The following CBR4 variants were observed in gnomAD, a reference collection of about 807,000 sequenced individuals.
CBR4 encodes the protein carbonyl reductase 4.
Under a neutral mutation model 21.0 loss-of-function variants are expected in CBR4, and 22 were observed. The ratio of observed to expected loss-of-function variants is 1.05; its 90% CI spans 0.75 to 1.50. CBR4 has a LOEUF of 1.50. Ranked by LOEUF, CBR4 falls within the 40% of genes most tolerant of loss-of-function variation. The pLI is 0.00. For synonymous variants in CBR4, 100 were observed against 104.4 expected (o/e 0.96, Z 0.26); for missense variants, 302 against 286.3 (o/e 1.05, Z -0.40).
At chr4:168,899,917 CAA>C (rs1172762037) in intron 2 of CBR4, among the ~76,000 whole-genome samples, 7 of 108,922 alleles carry the variant, frequency 6.4e-5, no homozygotes, top group Admixed American at 9.7e-5. Flanking sequence ...GACTCCGTCT[CAA>C]AAAAAAAAAA....
At chr4:168,948,478 CT>C (rs1269023015) in intron 2 of CBR4, among the ~76,000 whole-genome samples, 2 of 152,140 alleles carry the variant, frequency 1.3e-5, no homozygotes, top group African/African-American at 4.8e-5. Flanking sequence ...ATGTTATCTT[CT>C]AGAATTTTTA....
At chr4:168,913,965 T>G in intron 2 of CBR4, 1 of 1,613,516 alleles carries the variant, frequency 6.2e-7, no homozygotes, top group Admixed American at 1.7e-5. Context: ...TGGTACAGGC[T>G]GTCAACCAAA....
chr4:168,925,973 A>AAAAG (rs1176560443), intron 2 of CBR4, among the ~76,000 whole-genome samples: 1 of 152,188 alleles, frequency 6.6e-6, no homozygotes, highest in Non-Finnish European at 1.5e-5. Flanking sequence ...TTAAAAAAAA[A>AAAAG]AAAGATAAAC....
intron 2 of CBR4, among the ~76,000 whole-genome samples, chr4:168,917,771 C>T (rs1334422376): frequency 6.6e-6 from 1 of 151,982 alleles, no homozygotes; most frequent in African/African-American, 2.4e-5. Context: ...AGTATAAATA[C>T]ACAAATTGTG....
At chr4:169,009,908 C>T in intron 1 of CBR4, 40 bp downstream of exon 1, 1 of 1,579,670 alleles carries the variant, frequency 6.3e-7, no homozygotes, top group Non-Finnish European at 8.6e-7. Context: ...GGCGCCTGGA[C>T]CGCGGCCATA....
chr4:168,925,413 C>T, intron 2 of CBR4: 2 of 743,230 alleles, frequency 2.7e-6, no homozygotes, highest in Middle Eastern at 2.4e-4. Flanking sequence ...ATGTTTTTCA[C>T]ATGTTCTTGT....
In CBR4 at chr4:168,988,772, T is replaced by G. The variant is rs1560980566; in HGVS notation, c.*1378A>C. The G allele has an allele frequency of 3.1e-6, 3 of 961,104 alleles. No individual in the cohort carries two copies. Among genetic ancestry groups the G allele is most frequent in the South Asian group, 4.8e-5 (1 of 20,834 alleles). The allele number at this position is 961,104 out of a possible 1,614,324, so 59.5% of individuals were successfully genotyped here. ...TAAGAAAACTATTTCAAAGATAAAT[T>G]TAAAATAATTTTTAAGGAACCCAGA... On this transcript the variant is annotated 3_prime_UTR_variant, in exon 5 of 5. Coordinates refer to ENST00000306193, the MANE Select transcript of CBR4 (RefSeq NM_032783.5).
At chr4:168,967,150 T>C (rs1764065931) in intron 2 of CBR4, among the ~76,000 whole-genome samples, 2 of 152,062 alleles carry the variant, frequency 1.3e-5, no homozygotes, top group South Asian at 2.1e-4. Flanking sequence ...ATGTGGCACA[T>C]ATACACCATG....
At chr4:168,978,377 C>G (rs371150346) in intron 2 of CBR4, among the ~76,000 whole-genome samples, 1 of 152,120 alleles carries the variant, frequency 6.6e-6, no homozygotes. Context: ...AGAAGGGAGA[C>G]AGAGTGGCCA....
At chr4:169,002,019 C>T (rs764781813) in intron 4 of CBR4, 52 bp downstream of exon 4, 17 of 1,381,180 alleles carry the variant, frequency 1.2e-5, no homozygotes, top group South Asian at 1.5e-5. Flanking sequence ...ATAATGGCTT[C>T]CCTATAAAAC....
chr4:168,944,430 A>T (rs1763348092), intron 2 of CBR4, among the ~76,000 whole-genome samples: 1 of 152,100 alleles, frequency 6.6e-6, no homozygotes, highest in African/African-American at 2.4e-5. Flanking sequence ...ATGAGCCATG[A>T]TCACATCACT....
chr4:168,949,788 CGCT>C (rs1459792694), intron 2 of CBR4, among the ~76,000 whole-genome samples: 1 of 151,940 alleles, frequency 6.6e-6, no homozygotes, highest in Non-Finnish European at 1.5e-5. Context: ...ATTTTAATCT[CGCT>C]GCTTGTTATT....
At chr4:168,929,295 A>G (rs1201906969) in intron 2 of CBR4, among the ~76,000 whole-genome samples, 1 of 152,216 alleles carries the variant, frequency 6.6e-6, no homozygotes, top group Non-Finnish European at 1.5e-5. Flanking sequence ...TACTACGGGA[A>G]AGAGAAAGCT....
At chr4:168,954,729 A>G (rs1160258346) in intron 2 of CBR4, among the ~76,000 whole-genome samples, 2 of 152,234 alleles carry the variant, frequency 1.3e-5, no homozygotes, top group African/African-American at 4.8e-5. Flanking sequence ...ATAAACCATG[A>G]AAAGGAAGAC....
intron 2 of CBR4, among the ~76,000 whole-genome samples, chr4:168,979,103 CCTCCTCCTGTTA>C: frequency 6.6e-6 from 1 of 151,928 alleles, no homozygotes; most frequent in East Asian, 1.9e-4. Flanking sequence ...CACGCAGGTC[CCTCCTCCTGTTA>C]CTCCTCCTTG....
At chr4:168,956,159 T>C (rs942413776) in intron 2 of CBR4, among the ~76,000 whole-genome samples, 1 of 152,080 alleles carries the variant, frequency 6.6e-6, no homozygotes, top group African/African-American at 2.4e-5. Context: ...TCAAAATGAA[T>C]AAATTTGAAA....
intron 2 of CBR4, among the ~76,000 whole-genome samples, chr4:168,971,072 A>G (rs1044396626): frequency 6.6e-6 from 1 of 152,178 alleles, no homozygotes; most frequent in Non-Finnish European, 1.5e-5. Flanking sequence ...TGGTTGTACT[A>G]GTTTACATTC....
intron 1 of CBR4, chr4:169,008,862 C>T: frequency 4.9e-6 from 2 of 406,518 alleles, no homozygotes; most frequent in Non-Finnish European, 4.8e-6. Context: ...AATCTTTTTT[C>T]TTTTAGAGAG....
chr4:168,935,310 G>A (rs2126664741), intron 2 of CBR4, among the ~76,000 whole-genome samples: 1 of 152,326 alleles, frequency 6.6e-6, no homozygotes, highest in Middle Eastern at 3.4e-3. Flanking sequence ...CCAAGGCCCT[G>A]AGTTTTAAGC....
Sources: gnomAD v4.1 joint callset for allele counts (sites outside exome capture counted in the v4.1 genomes callset) on GRCh38, gnomAD v4.1.1 for gene constraint, MANE v1.5 for transcripts, NCBI Gene and HGNC (gene_info 2026-07-23, HGNC 2026-07-21) for gene names.